The following SCAF8 variants were observed in gnomAD, a reference collection of about 807,000 sequenced individuals.
SCAF8 encodes the protein SR-related CTD associated factor 8.
In SCAF8, 23 loss-of-function variants were observed where a neutral mutation model predicts 140.5. That is an observed-to-expected ratio of 0.16 (90% CI 0.12 to 0.23). The LOEUF (loss-of-function observed/expected upper bound fraction) is 0.23, where lower values mean the gene tolerates loss of function less well. Ranked by LOEUF, SCAF8 falls within the 10% of genes least tolerant of loss-of-function variation. SCAF8 has a pLI of 1.00. For missense variants in SCAF8, 1,397 were observed against 1,555.7 expected (o/e 0.90, Z 1.72); for synonymous variants, 575 against 528.9 (o/e 1.09, Z -1.20).
intron 4 of SCAF8, among the ~76,000 whole-genome samples, chr6:154,788,698 C>T (rs1777324473): frequency 6.6e-6 from 1 of 152,228 alleles, no homozygotes; most frequent in South Asian, 2.1e-4. Flanking sequence ...TAAAATTCTT[C>T]TATTATGGTA....
intron 1 of SCAF8, 22 bp downstream of exon 1, chr6:154,733,952 C>T (rs777997864): frequency 1.3e-5 from 20 of 1,524,874 alleles, no homozygotes; most frequent in Admixed American, 2.4e-5. Flanking sequence ...AGCCGGGTTC[C>T]CCTGCTCCTG....
At chr6:154,748,409 G>A (rs1778758767) in intron 1 of SCAF8, among the ~76,000 whole-genome samples, 1 of 152,120 alleles carries the variant, frequency 6.6e-6, no homozygotes, top group South Asian at 2.1e-4. Context: ...AATAAGACTA[G>A]TATTTATTTA....
intron 8 of SCAF8, among the ~76,000 whole-genome samples, chr6:154,804,611 T>C (rs372871569): frequency 3.0e-4 from 46 of 152,326 alleles, no homozygotes; most frequent in Middle Eastern, 3.4e-3. Context: ...GAATCAAATT[T>C]ACTCCGCTAT....
intron 2 of SCAF8, 99 bp from the exon 3 acceptor site, chr6:154,777,902 T>G: frequency 1.4e-6 from 1 of 713,148 alleles, no homozygotes; most frequent in East Asian, 2.7e-5. Context: ...GATAATTGTT[T>G]TGATAGACCT....
At chr6:154,759,759 A>G (rs1189885895) in intron 1 of SCAF8, among the ~76,000 whole-genome samples, 2 of 145,230 alleles carry the variant, frequency 1.4e-5, no homozygotes, top group Non-Finnish European at 3.0e-5. Flanking sequence ...TCCGCCTCCC[A>G]GGTTCACGCC....
intron 1 of SCAF8, among the ~76,000 whole-genome samples, chr6:154,757,581 A>G (rs1471361819): frequency 6.6e-6 from 1 of 152,236 alleles, no homozygotes; most frequent in Non-Finnish European, 1.5e-5. Flanking sequence ...ACATGCTTGG[A>G]TACCTAATAT....
chr6:154,806,444 TG>T (rs1304183328), intron 9 of SCAF8, among the ~76,000 whole-genome samples: 1 of 152,182 alleles, frequency 6.6e-6, no homozygotes, highest in Admixed American at 6.5e-5. Flanking sequence ...TTTTTGAGTA[TG>T]TGTTACTTGT....
intron 17 of SCAF8, 147 bp from the exon 18 acceptor site, chr6:154,827,025 C>T (rs1007462211): frequency 3.2e-6 from 2 of 628,652 alleles, no homozygotes; most frequent in Admixed American, 7.1e-5. Context: ...TATATAAAAG[C>T]CATTTCTAAA....
intron 11 of SCAF8, 95 bp downstream of exon 11, chr6:154,808,893 T>A (rs1007333222): frequency 1.2e-6 from 1 of 813,224 alleles, no homozygotes; most frequent in African/African-American, 1.7e-5. Context: ...TTCCTTGGGA[T>A]GACATATTTT....
chr6:154,803,582 G>A lies in SCAF8; in HGVS notation c.822G>A (p.Glu274=). 6.2e-7 allele frequency: 1 copy of A among 1,612,526 alleles called. No individual in the cohort carries two copies. The highest frequency in any genetic ancestry group is 8.5e-7 in the Non-Finnish European group (1 of 1,179,372). ...GGTTTGATTTTGGGGAAGACTCTGA[G>A]CATAGTGAAGAACCCAAAAAGGAAA... ...MDRFDFGEDS[E]HSEEPKKEIP... Residue 274 remains glutamate, a synonymous_variant, in exon 8 of 20, where the codon GAG becomes GAA. Coordinates refer to ENST00000367178, the MANE Select transcript of SCAF8 (RefSeq NM_014892.5).
chr6:154,790,286 G>C (rs1378403756), intron 4 of SCAF8, among the ~76,000 whole-genome samples: 1 of 152,114 alleles, frequency 6.6e-6, no homozygotes, highest in Non-Finnish European at 1.5e-5. Flanking sequence ...ATGTTTTAGA[G>C]TGGAGAAATA....
At chr6:154,735,552 C>G (rs974785361) in intron 1 of SCAF8, among the ~76,000 whole-genome samples, 1 of 141,248 alleles carries the variant, frequency 7.1e-6, no homozygotes, top group East Asian at 2.1e-4. Context: ...GAGTTTCGCT[C>G]TTGTTACCCA....
At chr6:154,757,372 G>A (rs749606754) in intron 1 of SCAF8, among the ~76,000 whole-genome samples, 1 of 152,192 alleles carries the variant, frequency 6.6e-6, no homozygotes, top group Non-Finnish European at 1.5e-5. Context: ...CAAAAGTAAA[G>A]TTCTGAGGGA....
chr6:154,787,794 G>A, intron 3 of SCAF8, 67 bp from the exon 4 acceptor site: 1 of 1,351,740 alleles, frequency 7.4e-7, no homozygotes, highest in Non-Finnish European at 1.0e-6. Flanking sequence ...GATTTTTGAT[G>A]ATTTTTGTCT....
At chr6:154,797,746 C>T (rs745758539) in intron 6 of SCAF8, among the ~76,000 whole-genome samples, 1 of 151,450 alleles carries the variant, frequency 6.6e-6, no homozygotes, top group Non-Finnish European at 1.5e-5. Flanking sequence ...GCAATAATTA[C>T]ATATTATGCA....
chr6:154,790,479 A>G (rs1227630709), intron 4 of SCAF8, among the ~76,000 whole-genome samples: 3 of 133,990 alleles, frequency 2.2e-5, no homozygotes, highest in Non-Finnish European at 5.0e-5. Flanking sequence ...AAACATATAC[A>G]TTTAACAGAA....
At chr6:154,807,926 C>G (rs1218443638) in intron 9 of SCAF8, 144 bp from the exon 10 acceptor site, 1 of 660,180 alleles carries the variant, frequency 1.5e-6, no homozygotes, top group East Asian at 3.1e-5. Context: ...GGATTGATTA[C>G]TTTATAAATG....
intron 19 of SCAF8, among the ~76,000 whole-genome samples, 154 bp from the exon 20 acceptor site, chr6:154,831,785 G>A (rs1778746921): frequency 7.3e-6 from 1 of 137,588 alleles, no homozygotes; most frequent in African/African-American, 2.7e-5. Flanking sequence ...TGGAAAATCA[G>A]TATAATACCT....
chr6:154,748,346 G>C (rs567063137), intron 1 of SCAF8, among the ~76,000 whole-genome samples: 1 of 152,150 alleles, frequency 6.6e-6, no homozygotes. Context: ...GTTGGGAGCC[G>C]CTGTGGATAT....
Sources: allele counts gnomAD v4.1 joint callset (sites outside exome capture counted in the v4.1 genomes callset), GRCh38; gene constraint gnomAD v4.1.1; transcripts MANE v1.5; gene names NCBI Gene and HGNC (gene_info 2026-07-23, HGNC 2026-07-21).